The following TMTC2 variants were observed in gnomAD, a reference collection of about 807,000 sequenced individuals.
TMTC2 encodes protein O-mannosyl-transferase TMTC2.
A neutral mutation model predicts 82.4 loss-of-function variants in TMTC2; 43 were observed. That is an observed-to-expected ratio of 0.52 (90% CI 0.41 to 0.67). The LOEUF (loss-of-function observed/expected upper bound fraction) is 0.67, where lower values mean the gene tolerates loss of function less well. Among genes scored for constraint, TMTC2 ranks in the 30% least tolerant of loss-of-function variants. TMTC2 has a pLI of 0.00. For synonymous variants in TMTC2, 408 were observed against 381.9 expected, an observed-to-expected ratio of 1.07 and a Z score of -0.80; for missense variants, 919 against 1,012.4, an observed-to-expected ratio of 0.91 and a Z score of 1.25.
chr12:83,060,321 T>G (rs1882693790), intron 10 of TMTC2, among the ~76,000 whole-genome samples: 1 of 151,762 alleles, frequency 6.6e-6, no homozygotes, highest in African/African-American at 2.4e-5. Flanking sequence ...ATTTCCATAA[T>G]TTATATGGTT....
intron 8 of TMTC2, among the ~76,000 whole-genome samples, chr12:83,030,065 T>A (rs773973397): frequency 2.0e-5 from 3 of 152,154 alleles, no homozygotes; most frequent in Non-Finnish European, 1.5e-5. Flanking sequence ...TGTAAATATT[T>A]GGCCTGTAAT....
chr12:83,059,353 G>T (rs1882657402), intron 10 of TMTC2, among the ~76,000 whole-genome samples: 1 of 151,816 alleles, frequency 6.6e-6, no homozygotes, highest in Non-Finnish European at 1.5e-5. Context: ...ACTTCCTCAT[G>T]AGTTATTCTC....
At chr12:82,999,094 T>C (rs912319380) in intron 8 of TMTC2, among the ~76,000 whole-genome samples, 2 of 152,304 alleles carry the variant, frequency 1.3e-5, no homozygotes, top group East Asian at 1.9e-4. Context: ...AGTTTTTCCT[T>C]CATGTCCTTC....
At chr12:83,011,578 A>G (rs936656001) in intron 8 of TMTC2, among the ~76,000 whole-genome samples, 1 of 152,204 alleles carries the variant, frequency 6.6e-6, no homozygotes, top group Non-Finnish European at 1.5e-5. Context: ...CTTATCAACC[A>G]TCATTGCCCA....
intron 1 of TMTC2, among the ~76,000 whole-genome samples, chr12:82,751,388 G>T (rs1370992606): frequency 4.6e-5 from 7 of 151,834 alleles, no homozygotes; most frequent in Admixed American, 4.6e-4. Flanking sequence ...GAACTGTTGT[G>T]GGGTGGAGGG....
intron 8 of TMTC2, among the ~76,000 whole-genome samples, chr12:83,007,274 T>C (rs1565849943): frequency 6.6e-6 from 1 of 152,198 alleles, no homozygotes; most frequent in African/African-American, 2.4e-5. Flanking sequence ...TCTTGAGGTA[T>C]AAAGGTAGGT....
At chr12:82,980,045 A>C (rs1878850627) in intron 7 of TMTC2, among the ~76,000 whole-genome samples, 2 of 151,640 alleles carry the variant, frequency 1.3e-5, no homozygotes, top group African/African-American at 4.8e-5. Flanking sequence ...ACATGTCTTG[A>C]GGTAGTCTTA....
intron 11 of TMTC2, among the ~76,000 whole-genome samples, chr12:83,124,180 AC>A (rs1885038698): frequency 6.6e-6 from 1 of 152,368 alleles, no homozygotes; most frequent in African/African-American, 2.4e-5. Flanking sequence ...CTACATACAG[AC>A]TAAAAATATA....
At chr12:83,048,764 G>C (rs1288955703) in intron 9 of TMTC2, among the ~76,000 whole-genome samples, 1 of 152,196 alleles carries the variant, frequency 6.6e-6, no homozygotes, top group Non-Finnish European at 1.5e-5. Flanking sequence ...CGCCTCCCGG[G>C]TTCAAGCAAT....
intron 11 of TMTC2, among the ~76,000 whole-genome samples, chr12:83,123,909 A>G (rs1342010465): frequency 6.6e-6 from 1 of 152,102 alleles, no homozygotes; most frequent in African/African-American, 2.4e-5. Flanking sequence ...CCTCTCCCCC[A>G]CAGCTCAGTC....
intron 2 of TMTC2, among the ~76,000 whole-genome samples, chr12:82,882,735 C>T (rs1163086445): frequency 6.6e-6 from 1 of 152,090 alleles, no homozygotes; most frequent in African/African-American, 2.4e-5. Context: ...CTGATGGATG[C>T]TTTCCTATGT....
At chr12:82,804,006 A>G (rs553629922) in intron 1 of TMTC2, among the ~76,000 whole-genome samples, 20 of 152,172 alleles carry the variant, frequency 1.3e-4, no homozygotes, top group Middle Eastern at 3.4e-3. Context: ...GCAGACCCCT[A>G]TGGATTCATC....
chr12:82,732,290 T>C (rs1874857928), intron 1 of TMTC2, among the ~76,000 whole-genome samples: 1 of 152,202 alleles, frequency 6.6e-6, no homozygotes. Context: ...CTTATTTTAC[T>C]CTGGCTACTG....
At chr12:83,030,323 T>C (rs182690228) in intron 8 of TMTC2, among the ~76,000 whole-genome samples, 165 of 152,256 alleles carry the variant, frequency 1.1e-3, no homozygotes, top group Middle Eastern at 6.8e-3. Flanking sequence ...GACTGTGTAA[T>C]TCAATATAAT....
At chr12:82,998,308 A>G (rs1013905553) in intron 8 of TMTC2, among the ~76,000 whole-genome samples, 3 of 152,174 alleles carry the variant, frequency 2.0e-5, no homozygotes, top group Admixed American at 2.0e-4. Flanking sequence ...TGAAAGAGAA[A>G]GATTTCTTAT....
rs1421233885 is a variant in TMTC2, at chr12:82,896,303, T to C, written c.1140T>C (p.Asp380=). 3 of 1,614,162 alleles carry C rather than the reference T, an allele frequency of 1.9e-6. No homozygotes were observed. The highest frequency in any genetic ancestry group is 1.7e-6 in the Non-Finnish European group (2 of 1,180,038). Residue 380 remains aspartate (D), a synonymous_variant, in exon 3 of 12, where the codon GAT becomes GAC. Coordinates refer to ENST00000321196, the MANE Select transcript of TMTC2 (RefSeq NM_152588.3). Reference sequence around the variant, plus strand: ...AAGTAGAAAATGGCATTAAAAACGATGTATCACAGAGAACCCAGCTTCCTT... The same window carrying C: ...AAGTAGAAAATGGCATTAAAAACGACGTATCACAGAGAACCCAGCTTCCTT... ...ASKVENGIKN[D]VSQRTQLPST...
intron 1 of TMTC2, among the ~76,000 whole-genome samples, chr12:82,812,680 A>G (rs1368463017): frequency 6.6e-6 from 1 of 152,068 alleles, no homozygotes; most frequent in Non-Finnish European, 1.5e-5. Flanking sequence ...GAAATAATTA[A>G]ACACATTAGA....
intron 1 of TMTC2, among the ~76,000 whole-genome samples, chr12:82,704,338 C>T (rs1159894312): frequency 6.6e-6 from 1 of 151,966 alleles, no homozygotes; most frequent in African/African-American, 2.4e-5. Context: ...TATTATTTAC[C>T]TTAAAACTTT....
At chr12:82,790,827 CAAA>C (rs538804442) in intron 1 of TMTC2, among the ~76,000 whole-genome samples, 7 of 87,630 alleles carry the variant, frequency 8.0e-5, no homozygotes, top group Non-Finnish European at 9.5e-5. Context: ...AACTCTGTCT[CAAA>C]AAAAAAAAAA....
Sources: allele counts gnomAD v4.1 joint callset (sites outside exome capture counted in the v4.1 genomes callset), GRCh38; gene constraint gnomAD v4.1.1; transcripts MANE v1.5; gene names NCBI Gene and HGNC (gene_info 2026-07-23, HGNC 2026-07-21).